CRACD: variants seen among roughly 807,000 people sequenced by gnomAD.
CRACD encodes the protein capping protein inhibiting regulator of actin dynamics, also known as capping protein-inhibiting regulator of actin dynamics.
In CRACD, 56 loss-of-function variants were observed where a neutral mutation model predicts 106.8. The ratio of observed to expected loss-of-function variants is 0.52; its 90% CI spans 0.42 to 0.66. The LOEUF (loss-of-function observed/expected upper bound fraction) is 0.66, where lower values mean the gene tolerates loss of function less well. Among genes scored for constraint, CRACD ranks in the 30% least tolerant of loss-of-function variants. CRACD has a pLI of 0.00. For missense variants in CRACD, 1,730 were observed against 1,623.2 expected (o/e 1.07, Z -1.13); for synonymous variants, 754 against 670.8 (o/e 1.12, Z -1.92).
intron 2 of CRACD, among the ~76,000 whole-genome samples, chr4:56,182,089 C>T (rs1029239213): frequency 1.3e-5 from 2 of 152,100 alleles, no homozygotes; most frequent in African/African-American, 4.8e-5. Context: ...GTAATCAAAA[C>T]AGCCAGGTGG....
At chr4:56,119,242 T>C (rs987527448) in intron 1 of CRACD, among the ~76,000 whole-genome samples, 14 of 152,312 alleles carry the variant, frequency 9.2e-5, no homozygotes, top group African/African-American at 3.4e-4. Flanking sequence ...TAGGAATCTA[T>C]AGTTTAGAAA....
At chr4:56,280,088 A>G (rs1289842097) in intron 3 of CRACD, among the ~76,000 whole-genome samples, 2 of 146,682 alleles carry the variant, frequency 1.4e-5, no homozygotes, top group Admixed American at 6.9e-5. Context: ...GTGGGAATTG[A>G]ACAGTGAGAA....
intron 1 of CRACD, among the ~76,000 whole-genome samples, chr4:56,093,011 G>A (rs1733474712): frequency 1.3e-5 from 2 of 152,264 alleles, no homozygotes; most frequent in Admixed American, 1.3e-4. Flanking sequence ...AGATGAATTA[G>A]TGCGGGTGCT....
chr4:56,327,172 C>T (rs143538938), intron 10 of CRACD, among the ~76,000 whole-genome samples: 189 of 152,286 alleles, frequency 1.2e-3, no homozygotes, highest in African/African-American at 4.5e-3. Context: ...GAAATTAGAA[C>T]TGACTACTTT....
intron 1 of CRACD, among the ~76,000 whole-genome samples, chr4:56,113,475 T>C (rs1252072353): frequency 1.3e-5 from 2 of 152,200 alleles, no homozygotes; most frequent in African/African-American, 4.8e-5. Flanking sequence ...TTTTAGTGAT[T>C]ATAAAAGGAT....
intron 2 of CRACD, among the ~76,000 whole-genome samples, chr4:56,255,946 C>T (rs989429996): frequency 6.6e-6 from 1 of 152,150 alleles, no homozygotes; most frequent in East Asian, 1.9e-4. Flanking sequence ...GTTGCTCTGC[C>T]ATTTGGGCCA....
At chr4:56,215,397 ACCT>A (rs1394372172) in intron 2 of CRACD, among the ~76,000 whole-genome samples, 1 of 152,102 alleles carries the variant, frequency 6.6e-6, no homozygotes, top group Non-Finnish European at 1.5e-5. Flanking sequence ...TGGAGGCCAC[ACCT>A]CCTAATACCG....
chr4:56,308,865 G>A, intron 5 of CRACD: 1 of 1,288,838 alleles, frequency 7.8e-7, no homozygotes, highest in South Asian at 1.2e-5. Context: ...TGTCCTCACA[G>A]TTATTGATGA....
At chr4:56,125,796 A>C (rs1301218171) in intron 1 of CRACD, among the ~76,000 whole-genome samples, 1 of 76,398 alleles carries the variant, frequency 1.3e-5, no homozygotes, top group Non-Finnish European at 2.4e-5. Context: ...TTTGAGATGG[A>C]GTTTCGCTCT....
At position 56,328,239 on chromosome 4, in the gene CRACD, A is replaced by G; in HGVS notation, c.*435A>G. On this transcript the variant is annotated 3_prime_UTR_variant, in exon 11 of 11. Transcript: ENST00000682029. The stretch of plus-strand genomic sequence containing the variant: ...CTCTACCATATGTCTGGGAATGTTT[A>G]TCCTTTCTACAGTAATGGTGAAAGG... 6.2e-6 allele frequency: 3 copies of G among 483,710 alleles called. No individual in the cohort carries two copies. Among genetic ancestry groups the G allele is most frequent in the South Asian group, 3.1e-5 (2 of 64,476 alleles). 30.0% of individuals were successfully genotyped at this position (483,710 alleles called of 1,614,324 possible).
intron 3 of CRACD, among the ~76,000 whole-genome samples, chr4:56,280,618 A>G (rs773360087): frequency 1.0e-4 from 15 of 148,446 alleles, no homozygotes; most frequent in Non-Finnish European, 1.8e-4. Context: ...GCAGGTATTC[A>G]GTAAGCATTT....
At position 56,314,596 on chromosome 4, in the gene CRACD, A is replaced by G; in HGVS notation, c.1094A>G (p.Glu365Gly). ...GAGCTCAAAAGGCAGGAGGAGGAGG[A>G]GGCTGAGGGATGGGAAGAGCTGGAA... ...AEELKRQEEE[E>G]AEGWEELEQQ... The change falls in exon 8 of 11, where the codon GAG (glutamate) becomes GGG (glycine). Residue 365 changes from glutamate (E) to glycine (G), a missense_variant. Coordinates refer to ENST00000682029, the MANE Select transcript of CRACD (RefSeq NM_001393381.1). The surrounding 1 kb of genome is among the most constrained non-coding windows in gnomAD (Gnocchi z 4.4). The G allele has an allele frequency of 6.6e-7, 1 of 1,523,686 alleles. No individual in the cohort carries two copies. The highest frequency in any genetic ancestry group is 2.2e-4 in the Middle Eastern group (1 of 4,558). The allele number at this position is 1,523,686 out of a possible 1,614,324, so 94.4% of individuals were successfully genotyped here.
intron 1 of CRACD, among the ~76,000 whole-genome samples, chr4:56,164,572 G>T (rs970466061): frequency 2.0e-5 from 3 of 152,188 alleles, no homozygotes; most frequent in African/African-American, 7.2e-5. Flanking sequence ...GAGCCATACT[G>T]TATGATTTCA....
At chr4:56,249,530 G>C (rs575366584) in intron 2 of CRACD, among the ~76,000 whole-genome samples, 3 of 152,006 alleles carry the variant, frequency 2.0e-5, no homozygotes, top group Non-Finnish European at 4.4e-5. Context: ...TAGGTTGCCT[G>C]TTCACTCTGA....
At chr4:56,118,898 G>A (rs963674136) in intron 1 of CRACD, among the ~76,000 whole-genome samples, 8 of 152,136 alleles carry the variant, frequency 5.3e-5, no homozygotes, top group African/African-American at 1.9e-4. Context: ...CAGAGAAAGT[G>A]TTCCATCTAT....
At chr4:56,295,118 A>G (rs1743933908) in intron 3 of CRACD, among the ~76,000 whole-genome samples, 1 of 151,994 alleles carries the variant, frequency 6.6e-6, no homozygotes, top group Non-Finnish European at 1.5e-5. Context: ...CAAAAAACAG[A>G]CAAGTAGACC....
intron 5 of CRACD, chr4:56,309,244 G>T (rs950403395): frequency 1.5e-5 from 4 of 270,014 alleles, no homozygotes; most frequent in African/African-American, 8.7e-5. Flanking sequence ...AATTCTATTT[G>T]GAAGATAATA....
At chr4:56,162,199 A>G (rs1431957817) in intron 1 of CRACD, among the ~76,000 whole-genome samples, 1 of 148,424 alleles carries the variant, frequency 6.7e-6, no homozygotes, top group African/African-American at 2.5e-5. Context: ...AAAAATTATT[A>G]TTATTTTTTT....
chr4:56,136,101 G>A (rs1734990645), intron 1 of CRACD, among the ~76,000 whole-genome samples: 1 of 151,582 alleles, frequency 6.6e-6, no homozygotes, highest in Admixed American at 6.6e-5. Flanking sequence ...TATATCAATA[G>A]TTTGTTCCTT....
Sources: gnomAD v4.1 joint callset for allele counts (sites outside exome capture counted in the v4.1 genomes callset) on GRCh38, gnomAD v4.1.1 for gene constraint, Gnocchi (gnomAD v3.1) non-coding constraint, MANE v1.5 for transcripts, NCBI Gene and HGNC (gene_info 2026-07-23, HGNC 2026-07-21) for gene names.